Variants in PPP1R9A observed in about 807,000 individuals in gnomAD.
PPP1R9A encodes protein phosphatase 1 regulatory subunit 9A.
Under a neutral mutation model 141.9 loss-of-function variants are expected in PPP1R9A, and 59 were observed. The ratio of observed to expected loss-of-function variants is 0.42; its 90% CI spans 0.34 to 0.52. The LOEUF is 0.52. PPP1R9A is among the 20% of genes least tolerant of loss of function. The pLI is 0.10. For synonymous variants in PPP1R9A, 500 were observed against 569.7 expected, an observed-to-expected ratio of 0.88 and a Z score of 1.74; for missense variants, 1,444 against 1,611.9, an observed-to-expected ratio of 0.90 and a Z score of 1.78.
chr7:95,233,953 G>T (rs573740620), intron 8 of PPP1R9A, among the ~76,000 whole-genome samples: 1 of 152,216 alleles, frequency 6.6e-6, no homozygotes, highest in East Asian at 1.9e-4. Context: ...AATAGATGCA[G>T]AAAAAAGCAT....
intron 2 of PPP1R9A, among the ~76,000 whole-genome samples, chr7:95,030,163 ATT>A (rs1424374749): frequency 6.6e-6 from 1 of 152,208 alleles, no homozygotes; most frequent in African/African-American, 2.4e-5. Flanking sequence ...GCAGAGTAAT[ATT>A]GGGCAAATGT....
intron 4 of PPP1R9A, among the ~76,000 whole-genome samples, chr7:95,142,383 T>G (rs1419597949): frequency 2.0e-5 from 3 of 152,104 alleles, no homozygotes; most frequent in Non-Finnish European, 2.9e-5. Flanking sequence ...TAGTTTTTTT[T>G]GTCACTTATA....
At chr7:95,006,041 G>A (rs1235446979) in intron 2 of PPP1R9A, among the ~76,000 whole-genome samples, 1 of 151,828 alleles carries the variant, frequency 6.6e-6, no homozygotes, top group Non-Finnish European at 1.5e-5. Flanking sequence ...GTATTTTGAT[G>A]GTAGGATATT....
chr7:95,072,685 A>AG (rs1814037589), intron 2 of PPP1R9A, among the ~76,000 whole-genome samples: 4 of 118,022 alleles, frequency 3.4e-5, no homozygotes, highest in Non-Finnish European at 6.6e-5. Context: ...ATTACATATT[A>AG]TATATTATGT....
At chr7:95,146,823 TTCTGAGGCC>T (rs1827712162) in intron 4 of PPP1R9A, among the ~76,000 whole-genome samples, 2 of 152,342 alleles carry the variant, frequency 1.3e-5, no homozygotes, top group South Asian at 4.1e-4. Context: ...GTGGTGTTGT[TTCTGAGGCC>T]TCTGTTGTGT....
intron 5 of PPP1R9A, among the ~76,000 whole-genome samples, 200 bp from the exon 6 acceptor site, chr7:95,198,149 T>G (rs964655951): frequency 6.6e-6 from 1 of 152,146 alleles, no homozygotes; most frequent in Non-Finnish European, 1.5e-5. Flanking sequence ...TTCTTTTCCT[T>G]TATGAGCTGT....
intron 2 of PPP1R9A, among the ~76,000 whole-genome samples, chr7:95,048,825 G>A (rs768211049): frequency 5.1e-4 from 78 of 152,198 alleles, no homozygotes; most frequent in Middle Eastern, 3.4e-3. Flanking sequence ...GATTACAGGT[G>A]TGAGCCACCA....
chr7:95,283,449 A>G (rs1002747632), intron 16 of PPP1R9A, among the ~76,000 whole-genome samples: 1 of 152,224 alleles, frequency 6.6e-6, no homozygotes, highest in East Asian at 1.9e-4. Flanking sequence ...TCCAAGTGGG[A>G]GATGAGGACT....
intron 2 of PPP1R9A, among the ~76,000 whole-genome samples, chr7:94,956,155 T>C (rs1797050310): frequency 6.6e-6 from 1 of 152,112 alleles, no homozygotes; most frequent in Non-Finnish European, 1.5e-5. Context: ...TTTAATTTTC[T>C]CAGACAGCCC....
intron 2 of PPP1R9A, among the ~76,000 whole-genome samples, chr7:94,957,044 T>C (rs1797147489): frequency 1.3e-5 from 2 of 152,202 alleles, no homozygotes; most frequent in Admixed American, 6.5e-5. Context: ...ATGGGACTTA[T>C]GAAATGGCAG....
rs1014528604 is a variant in PPP1R9A, at chr7:95,217,838, G to A, written c.1957-8123G>A. ...GATATCCCCTTTATCATTTCTAATT[G>A]CATCTATTTGATTCTTCTCTCTTTT... On this transcript the variant is annotated intron_variant, in intron 7 of 19. Coordinates refer to ENST00000433360, the MANE Select transcript of PPP1R9A (RefSeq NM_001166160.2). Among the ~76,000 whole-genome samples, 4 of 145,754 alleles carry A rather than the reference G, an allele frequency of 2.7e-5. No homozygotes were observed. In the Admixed American group the frequency reaches 2.8e-4, roughly 10 times the overall value.
At position 95,252,116 on chromosome 7, in the gene PPP1R9A, A is replaced by T. The variant is rs1266035756; in HGVS notation, c.2651A>T (p.Asp884Val). The change falls in exon 12 of 20, where the codon GAT (aspartate) becomes GTT (valine). Residue 884 changes from aspartate to valine, a missense_variant. By Grantham distance (152) the Asp-to-Val change is radical (BLOSUM62 -3). Transcript: ENST00000433360. ...NLDGKQTSCQ[D>V]GLSQDLNEAV... is the part of the protein sequence containing the mutation. ...GATGGCAAGCAGACATCTTGCCAAG[A>T]TGGCCTAAGTCAAGGTTTGTTTAAC... 6.3e-7 allele frequency: 1 copy of T among 1,597,608 alleles called. No individual in the cohort carries two copies. Among genetic ancestry groups the T allele is most frequent in the Admixed American group, 1.8e-5 (1 of 55,758 alleles).
At position 95,151,941 on chromosome 7, in the gene PPP1R9A, CTTTTTTTTTTT is replaced by C. The variant is rs1167382285; in HGVS notation, c.1650-9907_1650-9897del. On this transcript the variant is annotated intron_variant, in intron 4 of 19. Transcript: ENST00000433360. ...AATGTCAGCACATAGTACTGAGAATCTTTTTTTTTTTTTTTTTTTTTTTTTTTTTGAGACTG... is the reference window on the plus strand; with the variant it reads ...AATGTCAGCACATAGTACTGAGAATCTTTTTTTTTTTTTTTTTTGAGACTG... 2.8e-4 allele frequency among the ~76,000 whole-genome samples: 15 copies of C among 54,460 alleles called. No homozygotes were observed. In the South Asian group the frequency reaches 4.4e-3, roughly 16 times the overall value. The allele number at this position is 54,460 out of a possible 152,430, so 35.7% of individuals were successfully genotyped here. A position where few individuals can be genotyped will look rare whatever the true frequency, so the allele number is the denominator to read the frequency against.
intron 5 of PPP1R9A, among the ~76,000 whole-genome samples, chr7:95,166,007 G>A (rs371796161): frequency 1.3e-5 from 2 of 151,992 alleles, no homozygotes; most frequent in East Asian, 3.9e-4. Context: ...AAATTAGCCA[G>A]GTGTGGTGGC....
intron 7 of PPP1R9A, among the ~76,000 whole-genome samples, chr7:95,204,088 T>C (rs1484379062): frequency 6.6e-6 from 1 of 152,128 alleles, no homozygotes; most frequent in Non-Finnish European, 1.5e-5. Context: ...TGATTTATAC[T>C]GTCTGTAAAT....
intron 4 of PPP1R9A, among the ~76,000 whole-genome samples, chr7:95,124,435 T>C (rs1377255451): frequency 6.6e-6 from 1 of 152,156 alleles, no homozygotes; most frequent in Non-Finnish European, 1.5e-5. Context: ...AATTAATATA[T>C]ACAAAAGTGT....
intron 2 of PPP1R9A, among the ~76,000 whole-genome samples, chr7:94,999,817 ATT>A (rs1181803110): frequency 3.3e-5 from 5 of 151,130 alleles, no homozygotes; most frequent in Non-Finnish European, 7.4e-5. Context: ...TTATTTATTT[ATT>A]TAGATAGAGT....
chr7:95,071,479 A>T (rs1376338032), intron 2 of PPP1R9A, among the ~76,000 whole-genome samples: 1 of 151,732 alleles, frequency 6.6e-6, no homozygotes, highest in East Asian at 1.9e-4. Context: ...TCTAGTTGAA[A>T]TTTTTTTTAT....
At chr7:94,942,476 C>T (rs533879329) in intron 2 of PPP1R9A, among the ~76,000 whole-genome samples, 11 of 152,096 alleles carry the variant, frequency 7.2e-5, no homozygotes, top group Non-Finnish European at 1.6e-4. Flanking sequence ...TTGAATACAG[C>T]CATACTCATG....
Sources: allele counts gnomAD v4.1 joint callset (sites outside exome capture counted in the v4.1 genomes callset), GRCh38; gene constraint gnomAD v4.1.1; transcripts MANE v1.5; gene names NCBI Gene and HGNC (gene_info 2026-07-23, HGNC 2026-07-21).